RIMS2: variants seen among roughly 807,000 people sequenced by gnomAD.
RIMS2 encodes the protein regulating synaptic membrane exocytosis 2.
A neutral mutation model predicts 174.4 loss-of-function variants in RIMS2; 59 were observed. The ratio of observed to expected loss-of-function variants is 0.34; its 90% CI spans 0.27 to 0.42. The LOEUF (loss-of-function observed/expected upper bound fraction) is 0.42, where lower values mean the gene tolerates loss of function less well. RIMS2 is among the 10% of genes least tolerant of loss of function. The pLI is 1.00. For synonymous variants in RIMS2, 606 were observed against 572.5 expected, an observed-to-expected ratio of 1.06 and a Z score of -0.84; for missense variants, 1,620 against 1,666.3, an observed-to-expected ratio of 0.97 and a Z score of 0.48.
chr8:104,236,783 G>A (rs1302512620), intron 19 of RIMS2, among the ~76,000 whole-genome samples: 7 of 152,054 alleles, frequency 4.6e-5, no homozygotes, highest in South Asian at 2.1e-4. Flanking sequence ...CAAGAAGAGC[G>A]TAAGGAGACA....
chr8:104,177,631 G>T (rs1315061259), intron 19 of RIMS2, among the ~76,000 whole-genome samples: 2 of 152,122 alleles, frequency 1.3e-5, no homozygotes, highest in Non-Finnish European at 2.9e-5. Flanking sequence ...TGGATTCCTA[G>T]ATATAAGATA....
At chr8:103,703,015 T>A (rs1028733840) in intron 2 of RIMS2, among the ~76,000 whole-genome samples, 4 of 150,372 alleles carry the variant, frequency 2.7e-5, no homozygotes, top group African/African-American at 9.8e-5. Flanking sequence ...AAGATCTCAG[T>A]TTGTCACCCA....
chr8:103,615,439 A>G (rs771275289), intron 1 of RIMS2, among the ~76,000 whole-genome samples: 5 of 152,198 alleles, frequency 3.3e-5, no homozygotes, highest in Non-Finnish European at 7.3e-5. Flanking sequence ...AAGATCTCAC[A>G]TTAACAACCT....
chr8:104,069,627 C>T lies in RIMS2; in HGVS notation c.3334+55012C>T, dbSNP rs562795381. On this transcript the variant is annotated intron_variant, in intron 19 of 23. Transcript: ENST00000504942. ...GGGGCTACAGACATGCGCCACCATGCCCAGCTAATTTTTGTATTTTTAGGA... is the reference window on the plus strand; with the variant it reads ...GGGGCTACAGACATGCGCCACCATGTCCAGCTAATTTTTGTATTTTTAGGA... Among the ~76,000 whole-genome samples the T allele has an allele frequency of 1.2e-3, 183 of 151,858 alleles. 1 individual carries two copies. Among genetic ancestry groups the T allele is most frequent in the Non-Finnish European group, 2.0e-3 (139 of 67,946 alleles).
intron 19 of RIMS2, among the ~76,000 whole-genome samples, chr8:104,150,756 T>A (rs1384868049): frequency 7.9e-5 from 12 of 152,216 alleles, no homozygotes; most frequent in Admixed American, 7.9e-4. Flanking sequence ...ATAGAGCATC[T>A]CAGATCATAA....
chr8:103,551,142 C>T (rs141660752), intron 1 of RIMS2, among the ~76,000 whole-genome samples: 9,941 of 151,668 alleles, frequency 0.066, 398 homozygotes, highest in South Asian at 0.088. Flanking sequence ...AGAGACACAA[C>T]AAAAAAAAGA....
chr8:103,515,115 T>G (rs1828388836), intron 1 of RIMS2, among the ~76,000 whole-genome samples: 1 of 152,200 alleles, frequency 6.6e-6, no homozygotes, highest in Non-Finnish European at 1.5e-5. Flanking sequence ...CCTCTGATAA[T>G]GAGAATGGTA....
chr8:103,968,622 A>T (rs2154547216), intron 15 of RIMS2, among the ~76,000 whole-genome samples: 1 of 152,138 alleles, frequency 6.6e-6, no homozygotes, highest in African/African-American at 2.4e-5. Context: ...ATACTTAGAA[A>T]ATCCCAATTT....
rs1215196598 is a variant in RIMS2 at position 104,033,138 on chromosome 8, A to G, written c.3334+18523A>G. ...TACCTACTGAAAATGTAATAAAATAAACTGGAATTCACATTGGGAATTTAA... is the reference window on the plus strand; with the variant it reads ...TACCTACTGAAAATGTAATAAAATAGACTGGAATTCACATTGGGAATTTAA... On this transcript the variant is annotated intron_variant, in intron 19 of 23. Transcript: ENST00000504942. 5.9e-5 allele frequency among the ~76,000 whole-genome samples: 9 copies of G among 152,160 alleles called. No homozygotes were observed. In the South Asian group the frequency reaches 1.9e-3, roughly 32 times the overall value.
chr8:103,662,298 C>T (rs2096611055), intron 1 of RIMS2, among the ~76,000 whole-genome samples: 1 of 152,162 alleles, frequency 6.6e-6, no homozygotes, highest in African/African-American at 2.4e-5. Context: ...GATCATATCA[C>T]TGTGCATCAT....
chr8:103,839,669 C>T (rs920873980), intron 3 of RIMS2, among the ~76,000 whole-genome samples: 1 of 152,126 alleles, frequency 6.6e-6, no homozygotes, highest in Non-Finnish European at 1.5e-5. Flanking sequence ...TCCAGATAGC[C>T]TGCATATGTA....
chr8:103,689,603 C>G (rs960811418), intron 1 of RIMS2, among the ~76,000 whole-genome samples: 1 of 152,124 alleles, frequency 6.6e-6, no homozygotes, highest in Admixed American at 6.5e-5. Context: ...TTTATCATTA[C>G]ATAATGACCT....
chr8:104,040,904 A>G (rs1246717303), intron 19 of RIMS2, among the ~76,000 whole-genome samples: 3 of 151,734 alleles, frequency 2.0e-5, no homozygotes. Context: ...ACTCAATTAA[A>G]TCTTTTCTTC....
At chr8:103,653,470 T>A (rs1432513451) in intron 1 of RIMS2, among the ~76,000 whole-genome samples, 1 of 152,206 alleles carries the variant, frequency 6.6e-6, no homozygotes, top group Non-Finnish European at 1.5e-5. Flanking sequence ...GTTGTCATAA[T>A]ATTCAGATGT....
At chr8:103,851,644 TACACACACACACACACACACAC>T (rs10529078) in intron 3 of RIMS2, among the ~76,000 whole-genome samples, 27 of 136,600 alleles carry the variant, frequency 2.0e-4, no homozygotes, top group African/African-American at 6.5e-4. Context: ...GAATGCTATG[TACACACACACACACACACACAC>T]ACACACACAC....
chr8:103,579,471 A>C (rs181006765), intron 1 of RIMS2, among the ~76,000 whole-genome samples: 4 of 152,328 alleles, frequency 2.6e-5, no homozygotes, highest in African/African-American at 9.6e-5. Context: ...ATGAAGCTCA[A>C]AAGACAGATC....
intron 1 of RIMS2, among the ~76,000 whole-genome samples, chr8:103,678,087 G>T (rs182960140): frequency 6.5e-4 from 99 of 152,176 alleles, no homozygotes; most frequent in Admixed American, 1.2e-3. Context: ...CCAGCTGTAG[G>T]CTAAACTTAA....
intron 3 of RIMS2, among the ~76,000 whole-genome samples, chr8:103,812,544 G>T (rs1163162952): frequency 2.6e-5 from 4 of 151,934 alleles, no homozygotes; most frequent in Non-Finnish European, 4.4e-5. Flanking sequence ...ACTACACCTG[G>T]CTAATTTTTG....
At chr8:103,756,705 A>G (rs1035686181) in intron 2 of RIMS2, among the ~76,000 whole-genome samples, 1 of 152,136 alleles carries the variant, frequency 6.6e-6, no homozygotes, top group Admixed American at 6.5e-5. Context: ...GACTATAGGC[A>G]TAGCCATTGT....
Sources: allele counts gnomAD v4.1 joint callset (sites outside exome capture counted in the v4.1 genomes callset), GRCh38; gene constraint gnomAD v4.1.1; transcripts MANE v1.5; gene names NCBI Gene and HGNC (gene_info 2026-07-23, HGNC 2026-07-21).